The following SUN3 variants were observed in gnomAD, a reference collection of about 807,000 sequenced individuals.
SUN3 encodes the protein SUN domain-containing protein 3.
In SUN3, 36 loss-of-function variants were observed where a neutral mutation model predicts 48.2. That is an observed-to-expected ratio of 0.75 (90% CI 0.57 to 0.99). SUN3 has a LOEUF of 0.99. Ranked by LOEUF, SUN3 falls within the 50% of genes least tolerant of loss-of-function variation. The probability of loss-of-function intolerance (pLI) is 0.00; values close to 1 mark genes in which losing one functional copy is unlikely to be tolerated. For synonymous variants in SUN3, 148 were observed against 147.9 expected, an observed-to-expected ratio of 1.00 and a Z score of 0.00; for missense variants, 419 against 433.1, an observed-to-expected ratio of 0.97 and a Z score of 0.29.
chr7:48,023,827 G>C (rs1790065119), intron 2 of SUN3, among the ~76,000 whole-genome samples: 3 of 152,156 alleles, frequency 2.0e-5, no homozygotes, highest in Non-Finnish European at 2.9e-5. Context: ...ACCTAAAGCT[G>C]TCCACAGATT....
chr7:47,990,941 T>A, intron 8 of SUN3: 2 of 388,268 alleles, frequency 5.2e-6, no homozygotes, highest in South Asian at 3.4e-5. Flanking sequence ...GACACTGAGA[T>A]CTACTTGAGG....
chr7:48,027,315 T>TA (rs1411573985), intron 1 of SUN3, among the ~76,000 whole-genome samples: 1 of 152,228 alleles, frequency 6.6e-6, no homozygotes, highest in Non-Finnish European at 1.5e-5. Flanking sequence ...GCTATGAACA[T>TA]TCTTGTACAT....
intron 2 of SUN3, among the ~76,000 whole-genome samples, chr7:48,019,630 G>A (rs1789909424): frequency 6.6e-6 from 1 of 151,858 alleles, no homozygotes; most frequent in Non-Finnish European, 1.5e-5. Context: ...AAATTTAAAG[G>A]ATCATTACTA....
Position 47,987,429 on chromosome 7 carries a change from T to C in SUN3, c.975A>G (p.Leu325=). ...FELQHAVSEY[L]LCVKLNIFSN... ...TAAAGATATTAAGTTTCACACATAATAAATATTCAGAAACTGCATGCTGAA... is the reference window on the plus strand; with the variant it reads ...TAAAGATATTAAGTTTCACACATAACAAATATTCAGAAACTGCATGCTGAA... Residue 325 remains leucine (L), a synonymous_variant, in exon 10 of 10, where the codon TTA becomes TTG. Transcript: ENST00000297325. The C allele has an allele frequency of 2.5e-6, 4 of 1,575,102 alleles. No individual in the cohort carries two copies. Among genetic ancestry groups the C allele is most frequent in the Non-Finnish European group, 3.4e-6 (4 of 1,163,876 alleles).
chr7:48,012,927 C>A (rs565781900), intron 3 of SUN3, among the ~76,000 whole-genome samples: 25 of 152,298 alleles, frequency 1.6e-4, no homozygotes, highest in South Asian at 1.5e-3. Context: ...CGTGAAGACA[C>A]AAGAAAGCTC....
chr7:48,014,081 T>C (rs1789747895), intron 3 of SUN3, among the ~76,000 whole-genome samples: 1 of 152,198 alleles, frequency 6.6e-6, no homozygotes, highest in Admixed American at 6.5e-5. Context: ...TCCTGCCACC[T>C]CAGCCTCCAG....
upstream of SUN3, among the ~76,000 whole-genome samples, chr7:48,032,218 T>C (rs1175944851): frequency 6.6e-6 from 1 of 152,186 alleles, no homozygotes; most frequent in East Asian, 1.9e-4. Flanking sequence ...AGCAACATTG[T>C]ATTGTATACT....
chr7:48,014,295 G>A (rs763279885), intron 3 of SUN3, among the ~76,000 whole-genome samples: 6 of 152,130 alleles, frequency 3.9e-5, no homozygotes, highest in African/African-American at 9.7e-5. Context: ...GTCTAAAATC[G>A]GAAGGTAGAA....
rs1789145451 is a variant in SUN3 at position 47,994,369 on chromosome 7, C to T, written c.807G>A (p.Glu269=). The change falls in exon 8 of 10, where the codon GAG becomes GAA. Residue 269 remains glutamate, a synonymous_variant. Coordinates refer to ENST00000297325, the MANE Select transcript of SUN3 (RefSeq NM_001030019.2). ...AGATGTTTCCTGACGGAGACACCTTCTCTGAGATGTGCTCCATGGTAACAG... is the reference window on the plus strand; with the variant it reads ...AGATGTTTCCTGACGGAGACACCTTTTCTGAGATGTGCTCCATGGTAACAG... The part of the protein sequence containing the change: ...PTAVTMEHIS[E]KVSPSGNISS... 1.2e-6 allele frequency: 2 copies of T among 1,613,996 alleles called. No individual in the cohort carries two copies. The highest frequency in any genetic ancestry group is 1.7e-6 in the Non-Finnish European group (2 of 1,179,958).
intron 6 of SUN3, among the ~76,000 whole-genome samples, chr7:47,996,630 A>T (rs939052741): frequency 6.6e-6 from 1 of 152,224 alleles, no homozygotes; most frequent in African/African-American, 2.4e-5. Context: ...AAATATACTC[A>T]TCAAACATTA....
intron 2 of SUN3, among the ~76,000 whole-genome samples, chr7:48,021,146 A>T (rs563221337): frequency 7.2e-5 from 11 of 152,270 alleles, no homozygotes; most frequent in Admixed American, 6.5e-4. Context: ...TGTGCCAAGA[A>T]CATACGCTGG....
At chr7:48,012,550 C>G (rs1789712935) in intron 3 of SUN3, among the ~76,000 whole-genome samples, 1 of 152,090 alleles carries the variant, frequency 6.6e-6, no homozygotes, top group African/African-American at 2.4e-5. Context: ...CATAAGATAT[C>G]TAACTTTAAA....
chr7:48,006,528 G>C (rs1789529789), intron 5 of SUN3, among the ~76,000 whole-genome samples: 1 of 152,128 alleles, frequency 6.6e-6, no homozygotes, highest in African/African-American at 2.4e-5. Flanking sequence ...ATTGGATTCT[G>C]AAGGCTGCTC....
intron 2 of SUN3, chr7:48,018,410 G>A (rs1018675827): frequency 8.5e-5 from 13 of 152,180 alleles, no homozygotes; most frequent in African/African-American, 2.9e-4. Context: ...TGGATCACAA[G>A]GTCAAGAGAT....
At chr7:47,991,009 C>T (rs1420575750) in intron 8 of SUN3, 1 of 455,688 alleles carries the variant, frequency 2.2e-6, no homozygotes, top group Non-Finnish European at 4.4e-6. Context: ...TTACTACTTA[C>T]CGCCTGTATA....
chr7:48,010,277 C>A (rs1342089731), intron 3 of SUN3, among the ~76,000 whole-genome samples: 1 of 152,098 alleles, frequency 6.6e-6, no homozygotes, highest in African/African-American at 2.4e-5. Flanking sequence ...CTTGGGGCAC[C>A]AATCTTGAAG....
intron 2 of SUN3, among the ~76,000 whole-genome samples, chr7:48,019,360 T>C (rs1213405875): frequency 6.6e-6 from 1 of 151,786 alleles, no homozygotes; most frequent in African/African-American, 2.4e-5. Context: ...AAACATCCTA[T>C]AAATGATGTA....
intron 3 of SUN3, among the ~76,000 whole-genome samples, chr7:48,015,178 T>C: frequency 6.6e-6 from 1 of 152,180 alleles, no homozygotes; most frequent in South Asian, 2.1e-4. Context: ...TGCGTGCTCA[T>C]CTCTGCTTTT....
chr7:47,993,916 A>C (rs1789134093), intron 8 of SUN3, among the ~76,000 whole-genome samples: 1 of 151,354 alleles, frequency 6.6e-6, no homozygotes, highest in Admixed American at 6.6e-5. Context: ...CTTCATTTTC[A>C]ATGAGAGGAT....
Sources: allele counts gnomAD v4.1 joint callset (sites outside exome capture counted in the v4.1 genomes callset), GRCh38; gene constraint gnomAD v4.1.1; transcripts MANE v1.5; gene names NCBI Gene and HGNC (gene_info 2026-07-23, HGNC 2026-07-21).